PARD3B: variants seen among roughly 807,000 people sequenced by gnomAD.
The protein encoded by PARD3B is partitioning defective 3 homolog B.
PARD3B carries 103 observed loss-of-function variants against 130.2 expected under a neutral mutation model. The observed-to-expected ratio is 0.79, with a 90% CI of 0.67 to 0.93. The LOEUF (loss-of-function observed/expected upper bound fraction) is 0.93. Among genes scored for constraint, PARD3B ranks in the 40% least tolerant of loss-of-function variants. The pLI, the probability that PARD3B is intolerant of heterozygous loss-of-function variation, is 0.00. For synonymous variants in PARD3B, 583 were observed against 553.2 expected, an observed-to-expected ratio of 1.05 and a Z score of -0.76; for missense variants, 1,609 against 1,499.2, an observed-to-expected ratio of 1.07 and a Z score of -1.21.
At chr2:204,728,881 TG>T (rs1028178125) in intron 2 of PARD3B, among the ~76,000 whole-genome samples, 1 of 152,140 alleles carries the variant, frequency 6.6e-6, no homozygotes, top group Non-Finnish European at 1.5e-5. Context: ...AGAGAGACAT[TG>T]GGAAGGACAG....
At chr2:205,267,873 A>G (rs2105787684) in intron 16 of PARD3B, among the ~76,000 whole-genome samples, 1 of 152,336 alleles carries the variant, frequency 6.6e-6, no homozygotes, top group East Asian at 1.9e-4. Context: ...TAAAATTCTT[A>G]GGGCATCATA....
intron 2 of PARD3B, among the ~76,000 whole-genome samples, chr2:204,775,020 C>T (rs913351986): frequency 3.3e-5 from 5 of 152,082 alleles, no homozygotes; most frequent in Admixed American, 1.3e-4. Flanking sequence ...CAATGTACAT[C>T]CTCAGAATGG....
At chr2:204,778,202 G>C (rs1263349259) in intron 2 of PARD3B, among the ~76,000 whole-genome samples, 1 of 151,376 alleles carries the variant, frequency 6.6e-6, no homozygotes, top group African/African-American at 2.4e-5. Flanking sequence ...GCTTCCTTGT[G>C]GTCTTATTGA....
Position 205,281,158 on chromosome 2 carries a change from G to A in PARD3B, c.2186-19372G>A, listed in dbSNP as rs534411674. Among the ~76,000 whole-genome samples, 9 of 152,248 alleles carry A rather than the reference G, an allele frequency of 5.9e-5. No homozygotes were observed. Among genetic ancestry groups the A allele is most frequent in the Admixed American group, 3.3e-4 (5 of 15,278 alleles). On this transcript the variant is annotated intron_variant, in intron 16 of 22. Transcript: ENST00000406610. This position sits in a 1 kb window ranked among gnomAD's most constrained non-coding sequence, Gnocchi z 4.2. ...GCATAGGCAGCCATAAAATGAAGCC[G>A]TAAACATTTCAAGGGTATAAGATTC...
intron 4 of PARD3B, among the ~76,000 whole-genome samples, chr2:205,083,305 TC>T (rs1701543479): frequency 6.8e-6 from 1 of 146,696 alleles, no homozygotes; most frequent in Non-Finnish European, 1.5e-5. Flanking sequence ...ATACATAACC[TC>T]AGTAGCATAA....
chr2:204,982,175 G>A (rs1575474365), intron 3 of PARD3B, among the ~76,000 whole-genome samples: 1 of 152,142 alleles, frequency 6.6e-6, no homozygotes, highest in East Asian at 1.9e-4. Flanking sequence ...CATTTTAAAT[G>A]GTCACATTAG....
In PARD3B at chr2:204,964,328, T is replaced by C. The variant is rs1451911525; in HGVS notation, c.223-824T>C. 3.3e-5 allele frequency among the ~76,000 whole-genome samples: 5 copies of C among 152,198 alleles called. No individual in the cohort carries two copies. The South Asian group carries it at 1.0e-3, about 31-fold the overall frequency. ...TTTCAGCAGAGCCGTCGTCACTGTC[T>C]ATACAGTAGTGTCTGTGTGATTACT... On this transcript the variant is annotated intron_variant, in intron 2 of 22. Coordinates refer to ENST00000406610, the MANE Select transcript of PARD3B (RefSeq NM_001302769.2).
At chr2:204,679,116 G>T (rs552969958) in intron 1 of PARD3B, among the ~76,000 whole-genome samples, 1 of 152,084 alleles carries the variant, frequency 6.6e-6, no homozygotes, top group Non-Finnish European at 1.5e-5. Flanking sequence ...TCATGTTGTC[G>T]CATAAACTTG....
chr2:205,490,461 G>A (rs557847301), intron 20 of PARD3B, among the ~76,000 whole-genome samples: 1 of 152,268 alleles, frequency 6.6e-6, no homozygotes, highest in East Asian at 1.9e-4. Context: ...TTTTATGGCT[G>A]CATAGTATTC....
At chr2:204,733,926 G>A (rs1285780889) in intron 2 of PARD3B, among the ~76,000 whole-genome samples, 1 of 152,082 alleles carries the variant, frequency 6.6e-6, no homozygotes, top group East Asian at 1.9e-4. Context: ...TGCAATTGTA[G>A]CTTAGGCAAA....
chr2:205,162,738 T>C (rs755345311), intron 11 of PARD3B, among the ~76,000 whole-genome samples: 64 of 152,186 alleles, frequency 4.2e-4, no homozygotes, highest in Non-Finnish European at 8.7e-4. Flanking sequence ...CTGTTGCAGT[T>C]AGAAAAAATA....
At chr2:204,823,822 C>T (rs1160292332) in intron 2 of PARD3B, among the ~76,000 whole-genome samples, 1 of 151,904 alleles carries the variant, frequency 6.6e-6, no homozygotes, top group Non-Finnish European at 1.5e-5. Context: ...TGCCTATAAT[C>T]CCAGCTACTT....
chr2:204,829,935 C>G (rs976618990), intron 2 of PARD3B, among the ~76,000 whole-genome samples: 3 of 138,860 alleles, frequency 2.2e-5, no homozygotes, highest in African/African-American at 5.5e-5. Flanking sequence ...GGAGGCGGAG[C>G]TTGCAGTGAG....
At chr2:204,711,863 C>G (rs778438267) in intron 2 of PARD3B, among the ~76,000 whole-genome samples, 9 of 152,076 alleles carry the variant, frequency 5.9e-5, no homozygotes, top group Non-Finnish European at 1.3e-4. Context: ...TTCTTACCTC[C>G]ATTTTACAAG....
At chr2:204,748,952 C>G (rs2040354731) in intron 2 of PARD3B, among the ~76,000 whole-genome samples, 2 of 152,174 alleles carry the variant, frequency 1.3e-5, no homozygotes, top group East Asian at 3.9e-4. Context: ...TTCTTGCAAA[C>G]TTGATCATTT....
At chr2:205,332,263 TGTGA>T (rs1199366714) in intron 18 of PARD3B, among the ~76,000 whole-genome samples, 5 of 152,214 alleles carry the variant, frequency 3.3e-5, no homozygotes, top group Non-Finnish European at 5.9e-5. Context: ...GTGTATATGT[TGTGA>T]GTGTCTTTCT....
chr2:204,573,141 A>T (rs1361673748), intron 1 of PARD3B, among the ~76,000 whole-genome samples: 1 of 152,188 alleles, frequency 6.6e-6, no homozygotes, highest in Admixed American at 6.5e-5. Context: ...GTCCGGCTGT[A>T]TCTCAAGTGT....
chr2:205,260,784 A>G (rs1040857843), intron 16 of PARD3B, among the ~76,000 whole-genome samples: 15 of 152,078 alleles, frequency 9.9e-5, no homozygotes, highest in African/African-American at 3.6e-4. Flanking sequence ...GCCAGAGATG[A>G]GACAGATTTT....
At chr2:204,625,130 T>C (rs1217698007) in intron 1 of PARD3B, among the ~76,000 whole-genome samples, 1 of 152,200 alleles carries the variant, frequency 6.6e-6, no homozygotes, top group Non-Finnish European at 1.5e-5. Flanking sequence ...TTGTAAGATA[T>C]ACGGTTTGGA....
Sources: gnomAD v4.1 joint callset for allele counts (sites outside exome capture counted in the v4.1 genomes callset) on GRCh38, gnomAD v4.1.1 for gene constraint, Gnocchi (gnomAD v3.1) non-coding constraint, MANE v1.5 for transcripts, NCBI Gene and HGNC (gene_info 2026-07-23, HGNC 2026-07-21) for gene names.